PPP2R3B: variants seen among roughly 807,000 people sequenced by gnomAD.
PPP2R3B encodes the protein serine/threonine-protein phosphatase 2A regulatory subunit B'' subunit beta.
In PPP2R3B, 68 loss-of-function variants were observed where a neutral mutation model predicts 72.9. The ratio of observed to expected loss-of-function variants is 0.93; its 90% CI spans 0.77 to 1.14. The LOEUF (loss-of-function observed/expected upper bound fraction) is 1.14, where lower values mean the gene tolerates loss of function less well. Among genes scored for constraint, PPP2R3B ranks in the 50% most tolerant of loss-of-function variants. The pLI, the probability that PPP2R3B is intolerant of heterozygous loss-of-function variation, is 0.00. For missense variants in PPP2R3B, 1,018 were observed against 842.0 expected, an observed-to-expected ratio of 1.21 and a Z score of -2.59; for synonymous variants, 466 against 375.8, an observed-to-expected ratio of 1.24 and a Z score of -2.78.
intron 1 of PPP2R3B, among the ~76,000 whole-genome samples, chrX:374,775 C>T (rs181181168): frequency 4.6e-5 from 7 of 152,166 alleles, no homozygotes; most frequent in African/African-American, 1.2e-4. Context: ...GAGTCAACAG[C>T]GTGCACTGGG....
intron 2 of PPP2R3B, among the ~76,000 whole-genome samples, chrX:359,074 T>C (rs2071492848): frequency 6.6e-6 from 1 of 152,088 alleles, no homozygotes; most frequent in African/African-American, 2.4e-5. Context: ...AGCGGCTTTG[T>C]AGGACCCGAA....
At chrX:347,945 G>A (rs1369908292) in intron 2 of PPP2R3B, 16 of 446,176 alleles carry the variant, frequency 3.6e-5, no homozygotes, top group Non-Finnish European at 5.1e-5. Flanking sequence ...CGTGGGCACT[G>A]TAACCAGAGG....
intron 2 of PPP2R3B, among the ~76,000 whole-genome samples, chrX:352,891 G>A (rs2738340): frequency 0.27 from 40,387 of 150,400 alleles, 5,689 homozygotes; most frequent in East Asian, 0.39. Flanking sequence ...TCGCGGAGCC[G>A]GAGGAGTCTT....
At position 376,018 on chromosome X, in the gene PPP2R3B, C is replaced by T. The variant is rs370079256; in HGVS notation, c.324+10350G>A. On this transcript the variant is annotated intron_variant, in intron 1 of 12. Transcript: ENST00000390665. ...ACCAGCCAGGCCAACATGGTGAAAC[C>T]CTGTCTCTACTAAAAATACAAAATT... 1.5e-4 allele frequency among the ~76,000 whole-genome samples: 23 copies of T among 152,206 alleles called. 1 individual carries two copies. In the East Asian group the frequency reaches 2.9e-3, roughly 19 times the overall value.
At chrX:361,048 G>A (rs1418249429) in intron 2 of PPP2R3B, among the ~76,000 whole-genome samples, 12 of 152,338 alleles carry the variant, frequency 7.9e-5, no homozygotes, top group East Asian at 7.7e-4. Flanking sequence ...GGTGCAGAAC[G>A]GCCTCCGAGA....
intron 1 of PPP2R3B, among the ~76,000 whole-genome samples, chrX:369,020 C>A (rs1311502016): frequency 6.6e-6 from 1 of 152,228 alleles, no homozygotes; most frequent in East Asian, 1.9e-4. Flanking sequence ...GACTCGGCCC[C>A]AGCACAGCTG....
At chrX:383,837 C>CAAAAAAAAAAAAAAAAAA (rs757960788) in intron 1 of PPP2R3B, among the ~76,000 whole-genome samples, 4 of 45,620 alleles carry the variant, frequency 8.8e-5, no homozygotes, top group Admixed American at 3.6e-4. Context: ...GACTCCGTCT[C>CAAAAAAAAAAAAAAAAAA]AAAAAAAAAA....
intron 5 of PPP2R3B, chrX:346,464 C>A: frequency 1.6e-6 from 1 of 634,446 alleles, no homozygotes; most frequent in South Asian, 2.0e-5. Context: ...CGGGGACGCC[C>A]CGGAGCTACA....
At chrX:372,036 GC>G (rs1389341666) in intron 1 of PPP2R3B, among the ~76,000 whole-genome samples, 1 of 152,130 alleles carries the variant, frequency 6.6e-6, no homozygotes, top group Non-Finnish European at 1.5e-5. Flanking sequence ...CCACAGAAGA[GC>G]CAGGGCCCCA....
At chrX:346,325 A>ACCGGGAG in intron 5 of PPP2R3B, 65 bp from the exon 6 acceptor site, 1 of 1,481,900 alleles carries the variant, frequency 6.7e-7, no homozygotes, top group Non-Finnish European at 9.2e-7. Flanking sequence ...CCGCACGGAG[A>ACCGGGAG]CCGGGAGCCG....
chrX:353,277 G>A (rs997317770), intron 2 of PPP2R3B, among the ~76,000 whole-genome samples: 2 of 152,094 alleles, frequency 1.3e-5, no homozygotes, highest in African/African-American at 4.8e-5. Flanking sequence ...AGGAGGCTGA[G>A]GCAGGAGAAT....
intron 1 of PPP2R3B, among the ~76,000 whole-genome samples, chrX:381,793 T>C (rs2072132144): frequency 6.6e-6 from 1 of 151,796 alleles, no homozygotes; most frequent in Admixed American, 6.6e-5. Flanking sequence ...AGAGACAGGG[T>C]TTCACTGTGT....
At chrX:353,310 G>C (rs1308906304) in intron 2 of PPP2R3B, among the ~76,000 whole-genome samples, 1 of 152,030 alleles carries the variant, frequency 6.6e-6, no homozygotes, top group African/African-American at 2.4e-5. Flanking sequence ...GGAGGCGGAG[G>C]TTGCAGTGAG....
At chrX:338,503 C>A in intron 12 of PPP2R3B, 101 bp downstream of exon 12, 7 of 1,205,010 alleles carry the variant, frequency 5.8e-6, no homozygotes, top group Non-Finnish European at 7.1e-6. Context: ...GACCCCGCAT[C>A]CCCCGGCTGC....
intron 1 of PPP2R3B, chrX:373,663 C>T (rs1489717470): frequency 7.8e-6 from 2 of 256,114 alleles, no homozygotes; most frequent in Non-Finnish European, 1.7e-5. Flanking sequence ...CGCATGCCGC[C>T]GGCGCGCAGG....
At chrX:362,485 T>C (rs1391611641) in intron 1 of PPP2R3B, among the ~76,000 whole-genome samples, 2 of 151,104 alleles carry the variant, frequency 1.3e-5, no homozygotes, top group Non-Finnish European at 3.0e-5. Context: ...GGCTGTGTCC[T>C]TCCCCATCAA....
At chrX:363,463 C>G (rs2071595580) in intron 1 of PPP2R3B, among the ~76,000 whole-genome samples, 2 of 150,598 alleles carry the variant, frequency 1.3e-5, no homozygotes, top group Non-Finnish European at 3.0e-5. Flanking sequence ...AGCCCACCAT[C>G]CCACAATGCA....
At chrX:334,782 C>G (rs1004306471) in intron 12 of PPP2R3B, 1 of 405,690 alleles carries the variant, frequency 2.5e-6, no homozygotes, top group Non-Finnish European at 4.3e-6. Flanking sequence ...ACACAGAGGA[C>G]CTGGGCGGGC....
intron 2 of PPP2R3B, among the ~76,000 whole-genome samples, chrX:352,804 C>T (rs1257499722): frequency 6.6e-6 from 1 of 151,424 alleles, no homozygotes; most frequent in African/African-American, 2.4e-5. Context: ...CGTTCCTCGG[C>T]GGGTGACGGG....
Sources: allele counts gnomAD v4.1 joint callset (sites outside exome capture counted in the v4.1 genomes callset), GRCh38; gene constraint gnomAD v4.1.1; transcripts MANE v1.5; gene names NCBI Gene and HGNC (gene_info 2026-07-23, HGNC 2026-07-21).